The following TAF4B variants were observed in gnomAD, a reference collection of about 807,000 sequenced individuals.
TAF4B encodes the protein transcription initiation factor TFIID subunit 4B.
Under a neutral mutation model 86.4 loss-of-function variants are expected in TAF4B, and 38 were observed. The ratio of observed to expected loss-of-function variants is 0.44; its 90% CI spans 0.34 to 0.58. The LOEUF (loss-of-function observed/expected upper bound fraction) is 0.58. Among genes scored for constraint, TAF4B ranks in the 20% least tolerant of loss-of-function variants. The probability of loss-of-function intolerance (pLI) is 0.02; values close to 1 mark genes in which losing one functional copy is unlikely to be tolerated. For synonymous variants in TAF4B, 388 were observed against 391.2 expected, an observed-to-expected ratio of 0.99 and a Z score of 0.10; for missense variants, 988 against 1,027.6, an observed-to-expected ratio of 0.96 and a Z score of 0.53.
chr18:26,286,549 A>G, intron 7 of TAF4B, 50 bp downstream of exon 7: 1 of 1,539,560 alleles, frequency 6.5e-7, no homozygotes, highest in Non-Finnish European at 8.7e-7. Context: ...AAAATTTTGA[A>G]CATTCAGAAA....
intron 1 of TAF4B, among the ~76,000 whole-genome samples, chr18:26,250,656 G>A (rs2055993128): frequency 2.0e-5 from 3 of 152,124 alleles, no homozygotes; most frequent in South Asian, 2.1e-4. Context: ...TGGATTCTAC[G>A]CTAAGTGCCA....
intron 8 of TAF4B, 51 bp downstream of exon 8, chr18:26,292,432 G>A (rs909386932): frequency 6.4e-7 from 1 of 1,550,952 alleles, no homozygotes; most frequent in African/African-American, 1.4e-5. Context: ...AACATGAAGG[G>A]GTTTTGTATA....
At chr18:26,272,155 G>A (rs77772466) in intron 3 of TAF4B, among the ~76,000 whole-genome samples, 4,236 of 152,152 alleles carry the variant, frequency 0.028, 174 homozygotes, top group African/African-American at 0.096. Flanking sequence ...GGGCAGGCGC[G>A]TGGGGGATTC....
chr18:26,283,011 T>C (rs925903932), intron 6 of TAF4B, among the ~76,000 whole-genome samples: 3 of 152,250 alleles, frequency 2.0e-5, no homozygotes, highest in African/African-American at 7.2e-5. Context: ...GTTCTCTTGC[T>C]ATTTCTAGCA....
chr18:26,309,245 A>ATTT lies in TAF4B; in HGVS notation c.1833-5951_1833-5949dup, dbSNP rs59457633. Among the ~76,000 whole-genome samples the ATTT allele has an allele frequency of 5.8e-4, 49 of 84,574 alleles. 3 individuals are homozygous for ATTT. The highest frequency in any genetic ancestry group is 1.8e-3 in the African/African-American group (47 of 25,986). 55.5% of individuals were successfully genotyped at this position (84,574 alleles called of 152,430 possible). On this transcript the variant is annotated intron_variant, in intron 9 of 14. Transcript: ENST00000269142. ...CACTTTAGGGAAAAAACCTGACAGTATTTTTTTTTTTTTTTTTTTTTTTTT... is the reference window on the plus strand; with the variant it reads ...CACTTTAGGGAAAAAACCTGACAGTATTTTTTTTTTTTTTTTTTTTTTTTTTTT...
At chr18:26,304,724 T>C (rs1218247871) in intron 9 of TAF4B, 11 of 985,308 alleles carry the variant, frequency 1.1e-5, no homozygotes, top group Non-Finnish European at 1.3e-5. Context: ...ATTCTTCCTT[T>C]AGGATATGCT....
intron 13 of TAF4B, among the ~76,000 whole-genome samples, chr18:26,354,339 C>A (rs2057269459): frequency 6.6e-6 from 1 of 152,196 alleles, no homozygotes; most frequent in South Asian, 2.1e-4. Flanking sequence ...TCTCAAAATA[C>A]TGGGATTACA....
At chr18:26,262,796 T>A (rs2056188145) in intron 1 of TAF4B, among the ~76,000 whole-genome samples, 2 of 152,186 alleles carry the variant, frequency 1.3e-5, no homozygotes, top group African/African-American at 4.8e-5. Flanking sequence ...CCAAAAACTT[T>A]GAATGATTGT....
At chr18:26,373,078 G>A (rs2057417865) in intron 14 of TAF4B, among the ~76,000 whole-genome samples, 1 of 152,148 alleles carries the variant, frequency 6.6e-6, no homozygotes, top group Non-Finnish European at 1.5e-5. Flanking sequence ...GAACTTTCTA[G>A]GGCTTCAGTA....
At position 26,274,725 on chromosome 18, in the gene TAF4B, TAC is replaced by T; in HGVS notation, c.661_662del (p.Thr221ProfsTer15). ...CTGGAAAGCCATTGAATACTGTAACTACCCTGAAGCCTTCAAGTTTGGGAGCA... is the reference window on the plus strand; with the variant it reads ...CTGGAAAGCCATTGAATACTGTAACTCCTGAAGCCTTCAAGTTTGGGAGCA... ...TPGKPLNTVT[T>X]LKPSSLGASS... is the part of the protein sequence containing the mutation. On this transcript the variant is annotated frameshift_variant, in exon 4 of 15. Transcript: ENST00000269142. LOFTEE classifies it high-confidence loss of function. The T allele has an allele frequency of 6.2e-7, 1 of 1,614,182 alleles. No individual in the cohort carries two copies. The highest frequency in any genetic ancestry group is 8.5e-7 in the Non-Finnish European group (1 of 1,180,014).
chr18:26,342,381 TC>T (rs2057143707), intron 13 of TAF4B, among the ~76,000 whole-genome samples: 1 of 152,204 alleles, frequency 6.6e-6, no homozygotes, highest in African/African-American at 2.4e-5. Flanking sequence ...GTGCCCCTGT[TC>T]CTGTCCAGGC....
intron 1 of TAF4B, among the ~76,000 whole-genome samples, chr18:26,250,384 C>T (rs1267689562): frequency 6.6e-6 from 1 of 151,744 alleles, no homozygotes; most frequent in Non-Finnish European, 1.5e-5. Context: ...GTAGTCCGAG[C>T]TACTCGAGAG....
intron 14 of TAF4B, among the ~76,000 whole-genome samples, chr18:26,369,923 C>G (rs2057395841): frequency 6.6e-6 from 1 of 152,148 alleles, no homozygotes; most frequent in Admixed American, 6.5e-5. Flanking sequence ...AGAATTGGTT[C>G]TCTGGTCTAA....
intron 13 of TAF4B, among the ~76,000 whole-genome samples, chr18:26,345,871 A>G (rs890497668): frequency 1.3e-5 from 2 of 152,236 alleles, no homozygotes; most frequent in African/African-American, 4.8e-5. Context: ...ATTCAGAATA[A>G]TAATCTTAAG....
intron 5 of TAF4B, among the ~76,000 whole-genome samples, chr18:26,277,237 CCA>C (rs2056394906): frequency 6.6e-6 from 1 of 152,102 alleles, no homozygotes; most frequent in South Asian, 2.1e-4. Flanking sequence ...ACATGTGCCA[CCA>C]CACCTGGCTA....
At position 26,286,521 on chromosome 18, in the gene TAF4B, C is replaced by A. The variant is rs192754838; in HGVS notation, c.1590+22C>A. 3 of 1,559,496 alleles carry A rather than the reference C, an allele frequency of 1.9e-6. No individual in the cohort carries two copies. In the Admixed American group the frequency reaches 6.2e-5, roughly 32 times the overall value. ...ACTAGTGAGTAACATTTTGTTTCTT[C>A]CCCAGTTACTTATTTTGAAAATTTT... On this transcript the variant is annotated intron_variant, in intron 7 of 14. Coordinates refer to ENST00000269142, the MANE Select transcript of TAF4B (RefSeq NM_005640.3).
intron 13 of TAF4B, among the ~76,000 whole-genome samples, chr18:26,351,855 G>T (rs1431569690): frequency 6.6e-6 from 1 of 152,216 alleles, no homozygotes; most frequent in East Asian, 1.9e-4. Context: ...GATTTTCACT[G>T]TATGTATGTG....
chr18:26,358,583 A>G (rs1205562041), intron 14 of TAF4B, among the ~76,000 whole-genome samples: 7 of 152,202 alleles, frequency 4.6e-5, no homozygotes, highest in South Asian at 2.1e-4. Context: ...GGTGGCGGGC[A>G]CCTGTAGTCC....
intron 1 of TAF4B, among the ~76,000 whole-genome samples, chr18:26,252,995 T>A (rs2056029134): frequency 6.6e-6 from 1 of 152,144 alleles, no homozygotes; most frequent in Non-Finnish European, 1.5e-5. Context: ...TATGAGATCA[T>A]GCCATCTGTA....
Sources: allele counts gnomAD v4.1 joint callset (sites outside exome capture counted in the v4.1 genomes callset), GRCh38; gene constraint gnomAD v4.1.1; transcripts MANE v1.5; gene names NCBI Gene and HGNC (gene_info 2026-07-23, HGNC 2026-07-21).